Variants in PAX5 observed in about 807,000 individuals in gnomAD.
PAX5 encodes paired box protein Pax-5.
A neutral mutation model predicts 43.7 loss-of-function variants in PAX5; 9 were observed. That is an observed-to-expected ratio of 0.21 (90% CI 0.12 to 0.36). The LOEUF is 0.36. PAX5 is among the 10% of genes least tolerant of loss of function. The pLI, the probability that PAX5 is intolerant of heterozygous loss-of-function variation, is 1.00. For synonymous variants in PAX5, 228 were observed against 214.3 expected (o/e 1.06, Z -0.56); for missense variants, 383 against 532.7 (o/e 0.72, Z 2.77).
intron 7 of PAX5, among the ~76,000 whole-genome samples, chr9:36,906,255 T>C (rs1184633142): frequency 3.3e-5 from 5 of 152,152 alleles, no homozygotes; most frequent in Non-Finnish European, 5.9e-5. Context: ...ATTGAGGTAT[T>C]TGCGATGTGG....
intron 5 of PAX5, among the ~76,000 whole-genome samples, chr9:37,002,023 A>G (rs1318044228): frequency 6.6e-6 from 1 of 151,786 alleles, no homozygotes; most frequent in East Asian, 1.9e-4. Context: ...GGGGCTGAGA[A>G]AAACCAACCG....
At position 36,834,813 on chromosome 9, in the gene PAX5, G is replaced by A. The variant is rs181495678; in HGVS notation, c.*5747C>T. 1.5e-4 allele frequency: 25 copies of A among 170,840 alleles called. No homozygotes were observed. In the Admixed American group the frequency reaches 1.5e-3, roughly 10 times the overall value. The allele number at this position is 170,840 out of a possible 1,614,324, so 10.6% of individuals were successfully genotyped here. Reference sequence around the variant, plus strand: ...CAGGCATGGTGATTTTGGGGACAAGGGCGACCAGCGGCCATAGCCACAGGG... The same window carrying A: ...CAGGCATGGTGATTTTGGGGACAAGAGCGACCAGCGGCCATAGCCACAGGG... On this transcript the variant is annotated 3_prime_UTR_variant, in exon 10 of 10. Transcript: ENST00000358127.
At chr9:36,880,204 C>G (rs913809773) in intron 8 of PAX5, among the ~76,000 whole-genome samples, 1 of 152,258 alleles carries the variant, frequency 6.6e-6, no homozygotes, top group Non-Finnish European at 1.5e-5. Flanking sequence ...AGCTAAGATC[C>G]GTCCTGCTGA....
chr9:36,872,365 G>A (rs901799879), intron 8 of PAX5, among the ~76,000 whole-genome samples: 5 of 152,202 alleles, frequency 3.3e-5, no homozygotes, highest in African/African-American at 1.2e-4. Context: ...GTTCGGTCAG[G>A]AGCTGTTATG....
At chr9:36,960,170 T>A (rs930955928) in intron 6 of PAX5, among the ~76,000 whole-genome samples, 4 of 152,098 alleles carry the variant, frequency 2.6e-5, no homozygotes, top group Non-Finnish European at 5.9e-5. Flanking sequence ...CAGGGTAGGA[T>A]TTAGAAACAG....
intron 4 of PAX5, among the ~76,000 whole-genome samples, chr9:37,006,150 A>G (rs1838366665): frequency 6.6e-6 from 1 of 152,260 alleles, no homozygotes; most frequent in Non-Finnish European, 1.5e-5. Flanking sequence ...GTTATGAATA[A>G]GTATCCCTTT....
At chr9:36,860,452 G>A (rs967512803) in intron 8 of PAX5, among the ~76,000 whole-genome samples, 6 of 152,096 alleles carry the variant, frequency 3.9e-5, no homozygotes, top group Non-Finnish European at 2.9e-5. Flanking sequence ...AATATTTGTC[G>A]AAACTTCCAA....
intron 7 of PAX5, among the ~76,000 whole-genome samples, chr9:36,903,651 C>T (rs1044485623): frequency 1.3e-5 from 2 of 152,184 alleles, no homozygotes; most frequent in African/African-American, 4.8e-5. Flanking sequence ...CTGTGTCTGC[C>T]CATCCACTCA....
intron 1 of PAX5, among the ~76,000 whole-genome samples, chr9:37,024,441 A>G (rs6476608): frequency 0.085 from 12,950 of 152,196 alleles, 1,417 homozygotes; most frequent in African/African-American, 0.25. Context: ...AAGGTGACGA[A>G]GTGGGACTTG....
intron 8 of PAX5, among the ~76,000 whole-genome samples, chr9:36,879,725 G>T (rs1010705480): frequency 1.3e-5 from 2 of 152,324 alleles, no homozygotes; most frequent in South Asian, 2.1e-4. Flanking sequence ...GGACTGTTGC[G>T]TCATAGCACT....
At chr9:37,012,375 A>T (rs1402059839) in intron 3 of PAX5, among the ~76,000 whole-genome samples, 1 of 152,116 alleles carries the variant, frequency 6.6e-6, no homozygotes, top group African/African-American at 2.4e-5. Flanking sequence ...TGCACTCTCC[A>T]TCTTGGCCTC....
At chr9:36,891,558 A>T (rs569603957) in intron 7 of PAX5, among the ~76,000 whole-genome samples, 1 of 152,184 alleles carries the variant, frequency 6.6e-6, no homozygotes. Flanking sequence ...CAGAGGGGGA[A>T]TATTTCACCC....
Position 36,882,222 on chromosome 9 carries a change from GC to G in PAX5, c.911-118del, listed in dbSNP as rs1826495573. 5.5e-6 allele frequency: 4 copies of G among 722,946 alleles called. No individual in the cohort carries two copies. In the South Asian group the frequency reaches 5.6e-5, roughly 10 times the overall value. 44.8% of individuals were successfully genotyped at this position (722,946 alleles called of 1,614,324 possible). On this transcript the variant is annotated intron_variant, in intron 7 of 9. Transcript: ENST00000358127. This position sits in a 1 kb window ranked among gnomAD's most constrained non-coding sequence, Gnocchi z 4.4. ...ACGTTTGGACGCTGAACGGCAATGT[GC>G]CCCCAGCTCCCCCCTGTCGCTCACA...
At chr9:36,867,152 G>A (rs1017982748) in intron 8 of PAX5, among the ~76,000 whole-genome samples, 8 of 152,012 alleles carry the variant, frequency 5.3e-5, no homozygotes, top group African/African-American at 9.7e-5. Flanking sequence ...CTCGTTCCTG[G>A]GGAGTTCTTC....
At chr9:36,939,765 CAA>C (rs1044200133) in intron 6 of PAX5, among the ~76,000 whole-genome samples, 2 of 148,598 alleles carry the variant, frequency 1.3e-5, no homozygotes, top group Non-Finnish European at 3.0e-5. Flanking sequence ...ACAGCTGTGT[CAA>C]AAAAAAAGAG....
chr9:36,844,352 C>T (rs1822359852), intron 9 of PAX5, among the ~76,000 whole-genome samples: 1 of 152,182 alleles, frequency 6.6e-6, no homozygotes, highest in South Asian at 2.1e-4. Flanking sequence ...CTCCTTCTGC[C>T]ACCTGAATGC....
At chr9:36,972,005 T>C (rs1464771356) in intron 5 of PAX5, among the ~76,000 whole-genome samples, 2 of 152,242 alleles carry the variant, frequency 1.3e-5, no homozygotes, top group Non-Finnish European at 2.9e-5. Flanking sequence ...CTGGTTTGTT[T>C]CTTTAAAAAT....
chr9:36,874,313 G>A (rs1825734361), intron 8 of PAX5, among the ~76,000 whole-genome samples: 1 of 152,174 alleles, frequency 6.6e-6, no homozygotes, highest in Admixed American at 6.5e-5. Context: ...TGTCTGGACT[G>A]GCCCTCGCCC....
chr9:36,923,325 A>T, intron 7 of PAX5, 30 bp downstream of exon 7: 1 of 1,597,280 alleles, frequency 6.3e-7, no homozygotes, highest in East Asian at 2.2e-5. Context: ...TCTCTCCCTC[A>T]CTCATCCCCC....
Sources: allele counts gnomAD v4.1 joint callset (sites outside exome capture counted in the v4.1 genomes callset), GRCh38; gene constraint gnomAD v4.1.1; non-coding constraint Gnocchi (gnomAD v3.1); transcripts MANE v1.5; gene names NCBI Gene and HGNC (gene_info 2026-07-23, HGNC 2026-07-21).